The following RHBDF2 variants were observed in gnomAD, a reference collection of about 807,000 sequenced individuals.
RHBDF2 encodes rhomboid 5 homolog 2, also known as inactive rhomboid protein 2.
In RHBDF2, 38 loss-of-function variants were observed where a neutral mutation model predicts 95.2. That is an observed-to-expected ratio of 0.40 (90% CI 0.31 to 0.52). RHBDF2 has a LOEUF of 0.52. Ranked by LOEUF, RHBDF2 falls within the 20% of genes least tolerant of loss-of-function variation. RHBDF2 has a pLI of 0.56. For synonymous variants in RHBDF2, 442 were observed against 462.0 expected (o/e 0.96, Z 0.55); for missense variants, 863 against 1,137.7 (o/e 0.76, Z 3.47).
chr17:76,473,970 T>C, intron 13 of RHBDF2, 63 bp downstream of exon 13: 1 of 1,605,990 alleles, frequency 6.2e-7, no homozygotes, highest in East Asian at 2.2e-5. Flanking sequence ...CACGTCCCTG[T>C]GGGTGGCTCA....
chr17:76,481,494 C>T lies in RHBDF2; in HGVS notation c.31G>A (p.Val11Met), dbSNP rs142019309. Residue 11 changes from valine to methionine, a missense_variant, in exon 3 of 19, where the codon GTG becomes ATG. By Grantham distance (21) the Val-to-Met change is conservative (BLOSUM62 1). Around this residue, in one of 2 missense-constraint regions of RHBDF2, gnomAD observed 611 missense variants for 725.5 expected, o/e 0.84. Transcript: ENST00000675367. MASADKNGGS[V>M]SSVSSSRLQS... is the part of the protein sequence containing the mutation. Reference sequence around the variant, plus strand: ...AGGCGGCTGCTGGACACAGAGGACACGCTCCCGCCATTCTTGTCAGCAGAG... The same window carrying T: ...AGGCGGCTGCTGGACACAGAGGACATGCTCCCGCCATTCTTGTCAGCAGAG... The T allele has an allele frequency of 1.4e-4, 223 of 1,605,044 alleles. No homozygotes were observed. The highest frequency in any genetic ancestry group is 3.5e-4 in the African/African-American group (26 of 74,980).
chr17:76,471,834 G>A lies in RHBDF2; in HGVS notation c.2283C>T (p.Tyr761=), dbSNP rs770294426. The change falls in exon 19 of 19, where the codon TAC becomes TAT. Residue 761 remains tyrosine, a synonymous_variant. Coordinates refer to ENST00000675367, the MANE Select transcript of RHBDF2 (RefSeq NM_001005498.4). The part of the protein sequence containing the change: ...GLLLAFAFLP[Y]ITFGTSDKYR... ...ACTTGTCGCTGGTGCCGAAGGTGATGTAGGGCAGGAAGGCGAAGGCCAGCA... is the reference window on the plus strand; with the variant it reads ...ACTTGTCGCTGGTGCCGAAGGTGATATAGGGCAGGAAGGCGAAGGCCAGCA... 2 of 1,597,574 alleles carry A rather than the reference G, an allele frequency of 1.3e-6. No individual in the cohort carries two copies. The highest frequency in any genetic ancestry group is 1.3e-5 in the African/African-American group (1 of 74,736).
intron 1 of RHBDF2, among the ~76,000 whole-genome samples, chr17:76,500,427 G>C (rs2074549705): frequency 1.3e-5 from 2 of 152,204 alleles, no homozygotes; most frequent in Non-Finnish European, 2.9e-5. Flanking sequence ...CGGACAGTGA[G>C]GGTCGAATAA....
chr17:76,475,519 G>C (rs554709307), intron 9 of RHBDF2, among the ~76,000 whole-genome samples: 1 of 151,760 alleles, frequency 6.6e-6, no homozygotes, highest in African/African-American at 2.4e-5. Context: ...CCCACCAGCT[G>C]TTCACTCTCC....
chr17:76,484,678 C>T (rs1370075802), intron 2 of RHBDF2, among the ~76,000 whole-genome samples: 2 of 152,166 alleles, frequency 1.3e-5, no homozygotes, highest in Non-Finnish European at 2.9e-5. Context: ...CCCAGGATTT[C>T]CTGTTCTCAC....
chr17:76,481,297 G>C, intron 3 of RHBDF2, 78 bp downstream of exon 3: 4 of 1,496,910 alleles, frequency 2.7e-6, no homozygotes. Flanking sequence ...TCTGGGAAGT[G>C]AAACTGACCA....
Position 76,471,474 on chromosome 17 carries a change from G to A in RHBDF2, c.*159C>T, listed in dbSNP as rs539591154. 39 of 762,398 alleles carry A rather than the reference G, an allele frequency of 5.1e-5. No homozygotes were observed. The African/African-American group carries it at 5.3e-4, about 10-fold the overall frequency. 47.2% of individuals were successfully genotyped at this position (762,398 alleles called of 1,614,324 possible). A position where few individuals can be genotyped will look rare whatever the true frequency, so the allele number is the denominator to read the frequency against. ...CCCGCCTTAACCAACCATCTCACGCGGAGTCAGCCTCGCCTGGCAGGGGGG... is the reference window on the plus strand; with the variant it reads ...CCCGCCTTAACCAACCATCTCACGCAGAGTCAGCCTCGCCTGGCAGGGGGG... On this transcript the variant is annotated 3_prime_UTR_variant, in exon 19 of 19. Transcript: ENST00000675367.
chr17:76,471,575 G>A lies in RHBDF2; in HGVS notation c.*58C>T. 6.7e-7 allele frequency: 1 copy of A among 1,493,028 alleles called. No homozygotes were observed. 92.5% of individuals were successfully genotyped at this position (1,493,028 alleles called of 1,614,324 possible). ...CACAGAGAGCGCTCTGCAGAGGGCA[G>A]CCCTCGCAGGCAGACCCTGTTCCAG... On this transcript the variant is annotated 3_prime_UTR_variant, in exon 19 of 19. Transcript: ENST00000675367.
intron 4 of RHBDF2, 174 bp downstream of exon 4, chr17:76,479,559 T>C (rs769634622): frequency 4.9e-5 from 36 of 730,414 alleles, no homozygotes; most frequent in Admixed American, 2.8e-4. Context: ...GCAAAGCACA[T>C]ACCCATTTCC....
At chr17:76,498,436 C>G (rs2074484423) in intron 1 of RHBDF2, among the ~76,000 whole-genome samples, 1 of 152,224 alleles carries the variant, frequency 6.6e-6, no homozygotes, top group African/African-American at 2.4e-5. Flanking sequence ...GGAGAGGCAG[C>G]CAGGAGGGCA....
At position 76,479,274 on chromosome 17, in the gene RHBDF2, G is replaced by A. The variant is rs777744778; in HGVS notation, c.276C>T (p.Gly92=). The part of the protein sequence containing the change: ...QASLSQSIRK[G]AAQWFGVSGD... The stretch of plus-strand genomic sequence containing the variant: ...CGCTGACTCCAAACCACTGGGCTGC[G>A]CCCCTGCGGAAGCAGACAAGGGACA... Residue 92 remains glycine, a synonymous_variant, in exon 5 of 19, where the codon GGC becomes GGT. Coordinates refer to ENST00000675367, the MANE Select transcript of RHBDF2 (RefSeq NM_001005498.4). 14 of 1,596,730 alleles carry A rather than the reference G, an allele frequency of 8.8e-6. No homozygotes were observed. The highest frequency in any genetic ancestry group is 4.5e-5 in the East Asian group (2 of 44,498).
At chr17:76,495,477 C>A (rs1027709287) in intron 1 of RHBDF2, among the ~76,000 whole-genome samples, 1 of 152,222 alleles carries the variant, frequency 6.6e-6, no homozygotes, top group Non-Finnish European at 1.5e-5. Flanking sequence ...CTCTGAGCCT[C>A]AGTTTGTGTA....
At chr17:76,493,357 C>T (rs970807776) in intron 1 of RHBDF2, among the ~76,000 whole-genome samples, 14 of 152,256 alleles carry the variant, frequency 9.2e-5, no homozygotes, top group African/African-American at 2.6e-4. Context: ...CCCAGAGGCC[C>T]GGAAGGACAG....
Position 76,471,448 on chromosome 17 carries a change from C to G in RHBDF2, c.*185G>C. ...TCACAGGCCTCACGCCCCAGAAAAA[C>G]CCCGCCTTAACCAACCATCTCACGC... is the stretch of plus-strand genomic sequence containing the variant. On this transcript the variant is annotated 3_prime_UTR_variant, in exon 19 of 19. Transcript: ENST00000675367. 1 of 651,590 alleles carries G rather than the reference C, an allele frequency of 1.5e-6. No homozygotes were observed. The highest frequency in any genetic ancestry group is 2.6e-6 in the Non-Finnish European group (1 of 390,476). The allele number at this position is 651,590 out of a possible 1,614,324, so 40.4% of individuals were successfully genotyped here. A position where few individuals can be genotyped will look rare whatever the true frequency, so the allele number is the denominator to read the frequency against.
chr17:76,489,323 C>CTTT, intron 1 of RHBDF2, among the ~76,000 whole-genome samples: 1 of 110,534 alleles, frequency 9.0e-6, no homozygotes, highest in Admixed American at 8.8e-5. Flanking sequence ...AGGGGCATTC[C>CTTT]TGTTTTTTTT....
intron 3 of RHBDF2, among the ~76,000 whole-genome samples, chr17:76,480,786 C>G (rs1311380649): frequency 6.6e-6 from 1 of 152,206 alleles, no homozygotes; most frequent in Non-Finnish European, 1.5e-5. Flanking sequence ...TGCACCATGA[C>G]GCTCCTGCCT....
intron 18 of RHBDF2, 60 bp from the exon 19 acceptor site, chr17:76,472,112 T>G: frequency 6.8e-7 from 1 of 1,461,986 alleles, no homozygotes; most frequent in Non-Finnish European, 9.1e-7. Context: ...GGGCCGGGCC[T>G]GCACCCTGGG....
intron 1 of RHBDF2, among the ~76,000 whole-genome samples, chr17:76,496,865 G>A (rs993388476): frequency 3.3e-5 from 5 of 152,130 alleles, no homozygotes; most frequent in East Asian, 1.9e-4. Context: ...GGGTTCAAGC[G>A]ATTCTCCTGC....
chr17:76,477,749 G>T lies in RHBDF2; in HGVS notation c.709C>A (p.Arg237=). Residue 237 remains arginine (R), a synonymous_variant, in exon 7 of 19, where the codon CGG becomes AGG. Coordinates refer to ENST00000675367, the MANE Select transcript of RHBDF2 (RefSeq NM_001005498.4). The part of the protein sequence containing the change: ...SVLDATGQRC[R]VVKRSFAFPS... Reference sequence around the variant, plus strand: ...AAGGCAAAGCTGCGCTTGACCACCCGGCACCGCTGTCCGGTGGCATCCAGC... The same window carrying T: ...AAGGCAAAGCTGCGCTTGACCACCCTGCACCGCTGTCCGGTGGCATCCAGC... 1 of 1,613,334 alleles carries T rather than the reference G, an allele frequency of 6.2e-7. No individual in the cohort carries two copies. The highest frequency in any genetic ancestry group is 2.2e-5 in the East Asian group (1 of 44,884).
Sources: allele counts gnomAD v4.1 joint callset (sites outside exome capture counted in the v4.1 genomes callset), GRCh38; gene constraint gnomAD v4.1.1; regional missense constraint gnomAD v4.1.1; transcripts MANE v1.5; gene names NCBI Gene and HGNC (gene_info 2026-07-23, HGNC 2026-07-21).